CNTN5: variants seen among roughly 807,000 people sequenced by gnomAD.
CNTN5 encodes contactin 5.
A neutral mutation model predicts 129.1 loss-of-function variants in CNTN5; 77 were observed. The ratio of observed to expected loss-of-function variants is 0.60; its 90% CI spans 0.50 to 0.72. The LOEUF (loss-of-function observed/expected upper bound fraction) is 0.72. Ranked by LOEUF, CNTN5 falls within the 30% of genes least tolerant of loss-of-function variation. The pLI, the probability that CNTN5 is intolerant of heterozygous loss-of-function variation, is 0.00. For synonymous variants in CNTN5, 509 were observed against 465.6 expected, an observed-to-expected ratio of 1.09 and a Z score of -1.20; for missense variants, 1,478 against 1,328.8, an observed-to-expected ratio of 1.11 and a Z score of -1.75.
rs755759894 is a variant in CNTN5 at position 100,308,404 on chromosome 11, T to G, written c.2666T>G (p.Val889Gly). The stretch of plus-strand genomic sequence containing the variant: ...GATGTCAAGGCGACAAGTGTGTCTG[T>G]GTCAGAGATTCTTGTTGCATGGAAA... The part of the protein sequence containing the change: ...PTDVKATSVS[V>G]SEILVAWKHI... Residue 889 changes from valine (V) to glycine (G), a missense_variant, in exon 21 of 25, where the codon GTG (valine) becomes GGG (glycine). Physicochemically the swap from Val to Gly is moderately radical, Grantham distance 109. Transcript: ENST00000524871. 6.2e-7 allele frequency: 1 copy of G among 1,611,090 alleles called. No homozygotes were observed. The highest frequency in any genetic ancestry group is 8.5e-7 in the Non-Finnish European group (1 of 1,177,950).
At chr11:99,106,300 CAA>C (rs1326594563) in intron 1 of CNTN5, among the ~76,000 whole-genome samples, 1 of 151,860 alleles carries the variant, frequency 6.6e-6, no homozygotes, top group African/African-American at 2.4e-5. Flanking sequence ...GTGCAGATAA[CAA>C]AATTTCATTA....
intron 1 of CNTN5, among the ~76,000 whole-genome samples, chr11:99,235,847 G>A (rs1485136628): frequency 1.3e-5 from 2 of 152,168 alleles, no homozygotes; most frequent in Admixed American, 6.5e-5. Context: ...TTGGATTCCT[G>A]TGTTTTAGCA....
intron 6 of CNTN5, among the ~76,000 whole-genome samples, chr11:99,895,660 A>C (rs1306351499): frequency 1.3e-5 from 2 of 152,072 alleles, no homozygotes; most frequent in East Asian, 3.9e-4. Flanking sequence ...GGGAAGAGTG[A>C]GTGAGTAAGA....
intron 1 of CNTN5, among the ~76,000 whole-genome samples, chr11:99,137,973 T>A (rs1859319942): frequency 6.6e-6 from 1 of 152,212 alleles, no homozygotes; most frequent in Non-Finnish European, 1.5e-5. Context: ...AACTAGCATT[T>A]GTATTTTCCA....
intron 2 of CNTN5, among the ~76,000 whole-genome samples, chr11:99,431,078 C>G (rs554271022): frequency 6.7e-6 from 1 of 149,490 alleles, no homozygotes. Flanking sequence ...TTAGGCATAA[C>G]TCGGAACTCT....
intron 1 of CNTN5, among the ~76,000 whole-genome samples, chr11:99,278,321 T>C (rs1005399443): frequency 6.6e-6 from 1 of 151,686 alleles, no homozygotes; most frequent in African/African-American, 2.4e-5. Context: ...GATGTAGTCA[T>C]GAGGATGGAG....
intron 7 of CNTN5, among the ~76,000 whole-genome samples, chr11:99,928,529 C>A (rs1372622388): frequency 6.6e-6 from 1 of 152,208 alleles, no homozygotes; most frequent in Admixed American, 6.5e-5. Context: ...AGGCTCAACA[C>A]CACATGGAAG....
chr11:99,544,392 A>G (rs1948220282), intron 2 of CNTN5, among the ~76,000 whole-genome samples: 1 of 130,624 alleles, frequency 7.7e-6, no homozygotes, highest in South Asian at 2.5e-4. Flanking sequence ...AGACATTTAA[A>G]CTCATGTAAA....
At chr11:99,280,546 G>A (rs1023476419) in intron 1 of CNTN5, among the ~76,000 whole-genome samples, 20 of 151,302 alleles carry the variant, frequency 1.3e-4, no homozygotes, top group African/African-American at 4.1e-4. Context: ...AAACATATCT[G>A]TTTACCTGGG....
chr11:99,804,479 T>C (rs1946208361), intron 3 of CNTN5, among the ~76,000 whole-genome samples: 1 of 151,716 alleles, frequency 6.6e-6, no homozygotes, highest in Non-Finnish European at 1.5e-5. Context: ...TCCCCTCAAT[T>C]CTATTAGTTC....
chr11:99,329,501 G>T (rs1053242547), intron 2 of CNTN5, among the ~76,000 whole-genome samples: 2 of 152,098 alleles, frequency 1.3e-5, no homozygotes, highest in Non-Finnish European at 2.9e-5. Context: ...TAGTCTGAAG[G>T]CTCAGTCACC....
intron 9 of CNTN5, among the ~76,000 whole-genome samples, chr11:100,007,002 G>T (rs1312314294): frequency 6.6e-6 from 1 of 152,060 alleles, no homozygotes; most frequent in East Asian, 1.9e-4. Context: ...CAGAACTCTT[G>T]GGTAATGAGA....
intron 2 of CNTN5, among the ~76,000 whole-genome samples, chr11:99,467,795 C>T (rs930131119): frequency 6.6e-6 from 1 of 152,080 alleles, no homozygotes; most frequent in African/African-American, 2.4e-5. Flanking sequence ...CTCAAATTAT[C>T]TGATTACCTT....
intron 2 of CNTN5, among the ~76,000 whole-genome samples, chr11:99,453,671 C>G (rs1944392394): frequency 6.6e-6 from 1 of 152,088 alleles, no homozygotes; most frequent in African/African-American, 2.4e-5. Context: ...TTTTTGCTAC[C>G]CTGAACCTGA....
chr11:100,000,022 G>A (rs1358946226), intron 8 of CNTN5, among the ~76,000 whole-genome samples: 1 of 147,252 alleles, frequency 6.8e-6, no homozygotes, highest in Non-Finnish European at 1.5e-5. Flanking sequence ...TGTGGGGAGC[G>A]GGGAGGGATA....
chr11:100,341,616 A>G (rs1290829673), intron 23 of CNTN5, among the ~76,000 whole-genome samples: 1 of 152,180 alleles, frequency 6.6e-6, no homozygotes, highest in Non-Finnish European at 1.5e-5. Context: ...AACAAAAAAA[A>G]TGTAAGGGCT....
chr11:99,719,252 A>C (rs78805117), intron 3 of CNTN5, among the ~76,000 whole-genome samples: 1 of 151,876 alleles, frequency 6.6e-6, no homozygotes, highest in Non-Finnish European at 1.5e-5. Context: ...CCCAGAGATA[A>C]AAGGTTGCAG....
rs1052946009 is a variant in CNTN5, at chr11:99,736,468, T to C, written c.56-83076T>C. ...TCAGCTGCCCAAGAAGGGGAACAGA[T>C]TGGCCTCCAGTCAAGGCCTCAAAAT... On this transcript the variant is annotated intron_variant, in intron 3 of 24. Coordinates refer to ENST00000524871, the MANE Select transcript of CNTN5 (RefSeq NM_014361.4). Among the ~76,000 whole-genome samples, 49 of 152,170 alleles carry C rather than the reference T, an allele frequency of 3.2e-4. 1 individual carries two copies. The highest frequency in any genetic ancestry group is 3.1e-3 in the Admixed American group (47 of 15,274).
chr11:99,881,096 T>C (rs1166444716), intron 6 of CNTN5, among the ~76,000 whole-genome samples: 1 of 152,196 alleles, frequency 6.6e-6, no homozygotes, highest in African/African-American at 2.4e-5. Context: ...TATTGGAAAT[T>C]CAGACAGATT....
Sources: allele counts gnomAD v4.1 joint callset (sites outside exome capture counted in the v4.1 genomes callset), GRCh38; gene constraint gnomAD v4.1.1; transcripts MANE v1.5; gene names NCBI Gene and HGNC (gene_info 2026-07-23, HGNC 2026-07-21).